Variants in FOCAD observed in about 807,000 individuals in gnomAD.
FOCAD encodes KIAA1797.
A neutral mutation model predicts 225.6 loss-of-function variants in FOCAD; 198 were observed. The ratio of observed to expected loss-of-function variants is 0.88; its 90% confidence interval spans 0.78 to 0.99. The LOEUF (loss-of-function observed/expected upper bound fraction) is 0.99, where lower values mean the gene tolerates loss of function less well. Among genes scored for constraint, FOCAD ranks in the 50% least tolerant of loss-of-function variants. The pLI, the probability that FOCAD is intolerant of heterozygous loss-of-function variation, is 0.00. For missense variants in FOCAD, 2,713 were observed against 2,123.6 expected (o/e 1.28, Z -5.46); for synonymous variants, 897 against 755.0 (o/e 1.19, Z -3.08).
intron 5 of FOCAD, among the ~76,000 whole-genome samples, chr9:20,746,080 A>G (rs993924010): frequency 6.6e-6 from 1 of 152,250 alleles, no homozygotes; most frequent in Non-Finnish European, 1.5e-5. Context: ...TCAAATAAAG[A>G]AAAGCAATAG....
intron 17 of FOCAD, 107 bp downstream of exon 17, chr9:20,866,083 T>A: frequency 2.1e-6 from 2 of 938,266 alleles, no homozygotes; most frequent in Non-Finnish European, 3.2e-6. Context: ...CTTGAAATAA[T>A]GGGTTCCCAA....
intron 35 of FOCAD, among the ~76,000 whole-genome samples, chr9:20,955,143 A>G (rs1022576731): frequency 3.3e-5 from 5 of 152,226 alleles, no homozygotes; most frequent in Non-Finnish European, 7.3e-5. Context: ...GAAAATAAAA[A>G]TAATGCTTAG....
At chr9:20,718,909 A>G (rs576834867) in intron 3 of FOCAD, among the ~76,000 whole-genome samples, 8 of 152,268 alleles carry the variant, frequency 5.3e-5, no homozygotes, top group African/African-American at 1.9e-4. Context: ...ACCTTTTGAT[A>G]TTGTCAGTAC....
Position 20,692,396 on chromosome 9 carries a change from C to T in FOCAD, c.-33+8103C>T, listed in dbSNP as rs536857353. 3.9e-5 allele frequency among the ~76,000 whole-genome samples: 6 copies of T among 152,272 alleles called. No individual in the cohort carries two copies. The South Asian group carries it at 1.2e-3, about 32-fold the overall frequency. ...TTTAGAATCCAAGTACTTGTCACTA[C>T]CCACTGCTATCACCCTAGTCTAAGC... On this transcript the variant is annotated intron_variant, in intron 1 of 43. Coordinates refer to ENST00000338382, the MANE Select transcript of FOCAD (RefSeq NM_001375567.1).
At chr9:20,765,440 A>G (rs1388196878) in intron 7 of FOCAD, among the ~76,000 whole-genome samples, 3 of 145,938 alleles carry the variant, frequency 2.1e-5, no homozygotes, top group Admixed American at 6.9e-5. Context: ...TGCACATTGG[A>G]AAAAAAAAAA....
intron 6 of FOCAD, among the ~76,000 whole-genome samples, chr9:20,763,925 G>A (rs1829834487): frequency 1.3e-5 from 2 of 152,146 alleles, no homozygotes; most frequent in South Asian, 4.1e-4. Context: ...AAGATTTGTA[G>A]GGTGGGAAGT....
chr9:20,944,551 A>T (rs955662393), intron 28 of FOCAD, 76 bp from the exon 29 acceptor site: 2 of 1,519,368 alleles, frequency 1.3e-6, no homozygotes, highest in African/African-American at 2.7e-5. Context: ...AGAGCTCTGT[A>T]AACACCCGTG....
At chr9:20,722,497 A>G (rs1026990576) in intron 4 of FOCAD, among the ~76,000 whole-genome samples, 1 of 152,282 alleles carries the variant, frequency 6.6e-6, no homozygotes, top group African/African-American at 2.4e-5. Context: ...GTTTCACAGT[A>G]TGTGCCTATG....
At chr9:20,953,934 T>C (rs1423160322) in intron 35 of FOCAD, among the ~76,000 whole-genome samples, 5 of 152,122 alleles carry the variant, frequency 3.3e-5, no homozygotes, top group Non-Finnish European at 2.9e-5. Context: ...GCAGTTTGAT[T>C]TGTGAGGGTC....
In FOCAD at chr9:20,765,003, A is replaced by G; in HGVS notation, c.629A>G (p.Asp210Gly). 6.2e-7 allele frequency: 1 copy of G among 1,614,084 alleles called. No individual in the cohort carries two copies. Among genetic ancestry groups the G allele is most frequent in the African/African-American group, 1.3e-5 (1 of 75,032 alleles). The change falls in exon 7 of 44, where the codon GAC becomes GGC. Residue 210 changes from aspartate (D) to glycine (G), a missense_variant. By Grantham distance (94) the Asp-to-Gly change is moderately conservative (BLOSUM62 -1). Transcript: ENST00000338382. ...KVLLQPQVLC[D>G]KDQPSILEQQ... is the part of the protein sequence containing the mutation. Reference sequence around the variant, plus strand: ...TTACTTCAACCCCAGGTTCTTTGTGACAAAGATCAACCATCAATACTGGAA... The same window carrying G: ...TTACTTCAACCCCAGGTTCTTTGTGGCAAAGATCAACCATCAATACTGGAA...
intron 35 of FOCAD, among the ~76,000 whole-genome samples, chr9:20,954,782 T>C (rs1587710583): frequency 6.6e-6 from 1 of 152,316 alleles, no homozygotes; most frequent in East Asian, 1.9e-4. Flanking sequence ...TGTCGTCTTG[T>C]CAGGTTTGCT....
At chr9:20,922,771 C>A (rs533072276) in intron 24 of FOCAD, among the ~76,000 whole-genome samples, 8 of 152,178 alleles carry the variant, frequency 5.3e-5, no homozygotes, top group Non-Finnish European at 1.2e-4. Context: ...ACTAAACGAT[C>A]TGATGGTATG....
At position 20,993,862 on chromosome 9, in the gene FOCAD, A is replaced by G. The variant is rs1477188984; in HGVS notation, c.5332+534A>G. ...TACCATTTATTTAAATGGTTTTAAA[A>G]TGTTTTATGGTAATAGTAAAATATT... On this transcript the variant is annotated intron_variant, in intron 43 of 43. Transcript: ENST00000338382. Among the ~76,000 whole-genome samples the G allele has an allele frequency of 5.9e-5, 9 of 152,336 alleles. No individual in the cohort carries two copies. The East Asian group carries it at 1.3e-3, about 23-fold the overall frequency.
At chr9:20,786,327 A>T (rs995889132) in intron 10 of FOCAD, among the ~76,000 whole-genome samples, 6 of 152,166 alleles carry the variant, frequency 3.9e-5, no homozygotes, top group Non-Finnish European at 5.9e-5. Flanking sequence ...TAAGTCTTAG[A>T]TGTTGTGCTT....
At chr9:20,901,165 G>A (rs1386636186) in intron 21 of FOCAD, among the ~76,000 whole-genome samples, 1 of 145,516 alleles carries the variant, frequency 6.9e-6, no homozygotes, top group East Asian at 2.1e-4. Flanking sequence ...GTTGCAAATG[G>A]TTTTTTTTTC....
rs7864570 is a variant in FOCAD at position 20,946,890 on chromosome 9, A to C, written c.3675+70A>C. The stretch of plus-strand genomic sequence containing the variant: ...TGCTGCTAAGTTTTGCTTTTGACTT[A>C]CTCTGAATTAGAGTATAATGGGATA... On this transcript the variant is annotated intron_variant, in intron 30 of 43. Transcript: ENST00000338382. 2.8e-3 allele frequency: 4,469 copies of C among 1,579,388 alleles called. 99 individuals are homozygous for C. The African/African-American group carries it at 0.05, about 18-fold the overall frequency.
intron 15 of FOCAD, among the ~76,000 whole-genome samples, chr9:20,845,180 G>T (rs540975849): frequency 6.6e-6 from 1 of 151,940 alleles, no homozygotes; most frequent in Admixed American, 6.6e-5. Context: ...TATGCATATT[G>T]GTTTTTAAAG....
chr9:20,959,435 T>G (rs1838497286), intron 35 of FOCAD, among the ~76,000 whole-genome samples: 1 of 152,210 alleles, frequency 6.6e-6, no homozygotes, highest in Non-Finnish European at 1.5e-5. Context: ...TTCTGGATAT[T>G]AGTCCCTTGT....
At chr9:20,941,680 A>C (rs1477789210) in intron 28 of FOCAD, among the ~76,000 whole-genome samples, 1 of 152,214 alleles carries the variant, frequency 6.6e-6, no homozygotes, top group Non-Finnish European at 1.5e-5. Flanking sequence ...TAAAAACTCA[A>C]ATTATCTTTA....
Sources: gnomAD v4.1 joint callset for allele counts (sites outside exome capture counted in the v4.1 genomes callset) on GRCh38, gnomAD v4.1.1 for gene constraint, MANE v1.5 for transcripts, NCBI Gene and HGNC (gene_info 2026-07-23, HGNC 2026-07-21) for gene names.